The following MAP2K6 variants were observed in gnomAD, a reference collection of about 807,000 sequenced individuals.
The protein encoded by MAP2K6 is dual specificity mitogen-activated protein kinase kinase 6.
In MAP2K6, 16 loss-of-function variants were observed where a neutral mutation model predicts 53.7. That is an observed-to-expected ratio of 0.30 (90% CI 0.20 to 0.45). The LOEUF (loss-of-function observed/expected upper bound fraction) is 0.45, where lower values mean the gene tolerates loss of function less well. Ranked by LOEUF, MAP2K6 falls within the 20% of genes least tolerant of loss-of-function variation. The pLI, the probability that MAP2K6 is intolerant of heterozygous loss-of-function variation, is 1.00. For synonymous variants in MAP2K6, 132 were observed against 143.1 expected (o/e 0.92, Z 0.55); for missense variants, 204 against 411.9 (o/e 0.50, Z 4.37).
chr17:69,463,059 T>C (rs1372049388), intron 1 of MAP2K6, among the ~76,000 whole-genome samples: 1 of 151,452 alleles, frequency 6.6e-6, no homozygotes, highest in African/African-American at 2.4e-5. Flanking sequence ...ATGGGAGATG[T>C]ATTTGACACT....
intron 10 of MAP2K6, among the ~76,000 whole-genome samples, chr17:69,530,686 A>G (rs1291903367): frequency 6.6e-6 from 1 of 152,240 alleles, no homozygotes; most frequent in Admixed American, 6.5e-5. Context: ...TCCCTTAAGT[A>G]TGAACATTAT....
intron 1 of MAP2K6, among the ~76,000 whole-genome samples, chr17:69,473,414 A>G (rs181097832): frequency 6.6e-6 from 1 of 152,356 alleles, no homozygotes; most frequent in African/African-American, 2.4e-5. Context: ...ATATATAGTT[A>G]TAGGTTTGTG....
intron 1 of MAP2K6, among the ~76,000 whole-genome samples, chr17:69,453,604 T>A (rs1296541434): frequency 6.6e-6 from 1 of 152,256 alleles, no homozygotes; most frequent in East Asian, 1.9e-4. Context: ...TATGTATGCA[T>A]ATATATTTGA....
intron 1 of MAP2K6, among the ~76,000 whole-genome samples, chr17:69,450,329 A>G: frequency 6.6e-6 from 1 of 152,170 alleles, no homozygotes. Context: ...TGATTTAAAA[A>G]TGAATCACAA....
Position 69,549,570 on chromosome 17 carries a change from G to A in MAP2K6, c.*7817G>A, listed in dbSNP as rs1418293647. The stretch of plus-strand genomic sequence containing the variant: ...AACAAAAATCAAAGTCAACAATTTT[G>A]TATCAGGCTGCCTAAATGAACCCTA... On this transcript the variant is annotated 3_prime_UTR_variant, in exon 12 of 12. Coordinates refer to ENST00000590474, the MANE Select transcript of MAP2K6 (RefSeq NM_002758.4). 6.6e-6 allele frequency: 1 copy of A among 152,130 alleles called. No individual in the cohort carries two copies. Among genetic ancestry groups the A allele is most frequent in the African/African-American group, 2.4e-5 (1 of 41,430 alleles). The allele number at this position is 152,130 out of a possible 1,614,324, so 9.4% of individuals were successfully genotyped here.
At chr17:69,448,833 T>C (rs930216662) in intron 1 of MAP2K6, among the ~76,000 whole-genome samples, 9 of 152,228 alleles carry the variant, frequency 5.9e-5, no homozygotes. Flanking sequence ...TCTCTTTTCT[T>C]CTGTCCTTGG....
At chr17:69,510,549 G>A (rs1312551159) in intron 2 of MAP2K6, among the ~76,000 whole-genome samples, 2 of 151,776 alleles carry the variant, frequency 1.3e-5, no homozygotes, top group African/African-American at 4.8e-5. Context: ...TTATTTGGAT[G>A]TTTGCTAAAA....
chr17:69,506,241 A>G (rs1371894581), intron 2 of MAP2K6, among the ~76,000 whole-genome samples: 1 of 152,170 alleles, frequency 6.6e-6, no homozygotes, highest in Non-Finnish European at 1.5e-5. Context: ...GTGAGGACCC[A>G]CATCCTGACA....
At chr17:69,453,818 A>G (rs949791028) in intron 1 of MAP2K6, among the ~76,000 whole-genome samples, 1 of 152,194 alleles carries the variant, frequency 6.6e-6, no homozygotes, top group South Asian at 2.1e-4. Flanking sequence ...AGACATCTCA[A>G]TGCCCAGGCT....
At chr17:69,489,811 G>A (rs926951589) in intron 1 of MAP2K6, among the ~76,000 whole-genome samples, 5 of 152,100 alleles carry the variant, frequency 3.3e-5, no homozygotes, top group African/African-American at 9.7e-5. Context: ...TGGGCATCAC[G>A]AACCCTTAGC....
intron 11 of MAP2K6, among the ~76,000 whole-genome samples, chr17:69,537,363 A>G (rs185992378): frequency 6.6e-6 from 1 of 152,316 alleles, no homozygotes; most frequent in Non-Finnish European, 1.5e-5. Flanking sequence ...CACAATTTCA[A>G]AAGCAATAAA....
chr17:69,512,521 T>C (rs945154852), intron 2 of MAP2K6, among the ~76,000 whole-genome samples: 5 of 151,732 alleles, frequency 3.3e-5, no homozygotes, highest in African/African-American at 1.2e-4. Flanking sequence ...GTATTTTTAG[T>C]AGAGACGGGG....
At chr17:69,439,149 A>C (rs1906739629) in intron 1 of MAP2K6, among the ~76,000 whole-genome samples, 1 of 152,194 alleles carries the variant, frequency 6.6e-6, no homozygotes, top group Non-Finnish European at 1.5e-5. Context: ...AGAAAGAATT[A>C]AGTCATTCCT....
At chr17:69,486,110 G>T (rs1445639455) in intron 1 of MAP2K6, among the ~76,000 whole-genome samples, 1 of 152,156 alleles carries the variant, frequency 6.6e-6, no homozygotes, top group Non-Finnish European at 1.5e-5. Flanking sequence ...GAAGCATTCT[G>T]CATGTGAAGG....
chr17:69,506,408 GTTT>G (rs35559627), intron 2 of MAP2K6, among the ~76,000 whole-genome samples: 13 of 142,272 alleles, frequency 9.1e-5, no homozygotes, highest in Middle Eastern at 3.7e-3. Context: ...TCTCCTTCTT[GTTT>G]TTTTTTTTTT....
At chr17:69,521,820 A>ACC (rs1229587794) in intron 7 of MAP2K6, 2 of 144,340 alleles carry the variant, frequency 1.4e-5, no homozygotes, top group South Asian at 4.7e-4. Context: ...AAAAAAAAAA[A>ACC]AAAAAAAAAA....
In MAP2K6 at chr17:69,422,383, C is replaced by T. The variant is rs143426996; in HGVS notation, c.16+7383C>T. 2.8e-3 allele frequency among the ~76,000 whole-genome samples: 428 copies of T among 152,246 alleles called. 3 individuals are homozygous for T. Among genetic ancestry groups the T allele is most frequent in the African/African-American group, 9.8e-3 (409 of 41,542 alleles). ...CTGACCTCAGGTGATCCACCCACCT[C>T]GGCCTCCCGAAGCACTGGGATTACA... On this transcript the variant is annotated intron_variant, in intron 1 of 11. Transcript: ENST00000590474.
chr17:69,460,758 C>T (rs1345318650), intron 1 of MAP2K6, among the ~76,000 whole-genome samples: 4 of 152,074 alleles, frequency 2.6e-5, no homozygotes, highest in Admixed American at 2.6e-4. Context: ...GTGCCACCAC[C>T]CTTGGTTAAT....
At position 69,545,335 on chromosome 17, in the gene MAP2K6, A is replaced by G. The variant is rs1401362520; in HGVS notation, c.*3582A>G. ...TGCAAGTGAAAGTCACCTATCTTCTATGATTGAAGGTCCTGATGTGGGGGA... is the reference window on the plus strand; with the variant it reads ...TGCAAGTGAAAGTCACCTATCTTCTGTGATTGAAGGTCCTGATGTGGGGGA... On this transcript the variant is annotated 3_prime_UTR_variant, in exon 12 of 12. Transcript: ENST00000590474. 4 of 152,204 alleles carry G rather than the reference A, an allele frequency of 2.6e-5. No homozygotes were observed. The highest frequency in any genetic ancestry group is 6.5e-5 in the Admixed American group (1 of 15,280). 9.4% of individuals were successfully genotyped at this position (152,204 alleles called of 1,614,324 possible).
Sources: allele counts gnomAD v4.1 joint callset (sites outside exome capture counted in the v4.1 genomes callset), GRCh38; gene constraint gnomAD v4.1.1; transcripts MANE v1.5; gene names NCBI Gene and HGNC (gene_info 2026-07-23, HGNC 2026-07-21).